Variants in KLF3 observed in about 807,000 individuals in gnomAD.
The protein encoded by KLF3 is KLF transcription factor 3.
In KLF3, 6 loss-of-function variants were observed where a neutral mutation model predicts 32.7. The observed-to-expected ratio is 0.18, with a 90% CI of 0.10 to 0.36. KLF3 has a LOEUF of 0.36. KLF3 is among the 10% of genes least tolerant of loss of function. The pLI, the probability that KLF3 is intolerant of heterozygous loss-of-function variation, is 1.00. For missense variants in KLF3, 338 were observed against 449.7 expected (o/e 0.75, Z 2.25); for synonymous variants, 145 against 172.8 (o/e 0.84, Z 1.26).
Position 38,701,283 on chromosome 4 carries a change from C to T in KLF3, c.*4020C>T, listed in dbSNP as rs1723184706. Among the ~76,000 whole-genome samples the T allele has an allele frequency of 6.6e-6, 1 of 152,156 alleles. No individual in the cohort carries two copies. The highest frequency in any genetic ancestry group is 2.1e-4 in the South Asian group (1 of 4,836). On this transcript the variant is annotated 3_prime_UTR_variant, in exon 6 of 6. Transcript: ENST00000261438. Reference sequence around the variant, plus strand: ...TAGGCTGAAATCATAAAACTGCAGACAATCCAGCAAAAATCTACAAACTCA... The same window carrying T: ...TAGGCTGAAATCATAAAACTGCAGATAATCCAGCAAAAATCTACAAACTCA...
At chr4:38,673,034 T>G (rs77419028) in intron 1 of KLF3, among the ~76,000 whole-genome samples, 7,301 of 152,266 alleles carry the variant, frequency 0.048, 259 homozygotes, top group Non-Finnish European at 0.081. Flanking sequence ...TTCAAAATGC[T>G]TTTCTCTTTC....
intron 2 of KLF3, among the ~76,000 whole-genome samples, chr4:38,684,475 CAGACGGAAATAACTCTTAT>C (rs1722628956): frequency 6.7e-6 from 1 of 150,096 alleles, no homozygotes; most frequent in Non-Finnish European, 1.5e-5. Context: ...GTACATGTTA[CAGACGGAAATAACTCTTAT>C]AGCAGATCAG....
chr4:38,689,028 C>T lies in KLF3; in HGVS notation c.501C>T (p.Val167=), dbSNP rs1417321797. ...GTCACCTCCAGCAGCCTCTCATGGTCTCCTTATCGGAGGAGATGGAAAATT... is the reference window on the plus strand; with the variant it reads ...GTCACCTCCAGCAGCCTCTCATGGTTTCCTTATCGGAGGAGATGGAAAATT... ...YTSHLQQPLM[V]SLSEEMENSS... Residue 167 remains valine, a synonymous_variant, in exon 3 of 6, where the codon GTC becomes GTT. Transcript: ENST00000261438. 6.2e-7 allele frequency: 1 copy of T among 1,614,240 alleles called. No homozygotes were observed. The highest frequency in any genetic ancestry group is 1.7e-5 in the Admixed American group (1 of 60,030).
rs1269632247 is a variant in KLF3, at chr4:38,700,301, C to T, written c.*3038C>T. 3.3e-5 allele frequency: 5 copies of T among 152,192 alleles called. No homozygotes were observed. The highest frequency in any genetic ancestry group is 3.3e-4 in the Admixed American group (5 of 15,286). 9.4% of individuals were successfully genotyped at this position (152,192 alleles called of 1,614,324 possible). A position where few individuals can be genotyped will look rare whatever the true frequency, so the allele number is the denominator to read the frequency against. On this transcript the variant is annotated 3_prime_UTR_variant, in exon 6 of 6. Coordinates refer to ENST00000261438, the MANE Select transcript of KLF3 (RefSeq NM_016531.6). ...TTTATTAAACACCCATCTGCACTAT[C>T]AGTATTGCACTAATGTGGAATTTGA...
chr4:38,693,117 C>CAT (rs3841982), intron 4 of KLF3, among the ~76,000 whole-genome samples: 106,514 of 137,828 alleles, frequency 0.77, 41,161 homozygotes, highest in Admixed American at 0.8. Flanking sequence ...CATATATATA[C>CAT]ATATATATAT....
chr4:38,700,420 G>C lies in KLF3; in HGVS notation c.*3157G>C, dbSNP rs1723165159. ...AAGATCTAAGGTTTTAAAATAATTT[G>C]GTTTGAAAATATACAGTTGTCTTGA... On this transcript the variant is annotated 3_prime_UTR_variant, in exon 6 of 6. Transcript: ENST00000261438. 1 of 152,126 alleles carries C rather than the reference G, an allele frequency of 6.6e-6. No individual in the cohort carries two copies. The highest frequency in any genetic ancestry group is 6.6e-5 in the Admixed American group (1 of 15,266). The allele number at this position is 152,126 out of a possible 1,614,324, so 9.4% of individuals were successfully genotyped here. A position where few individuals can be genotyped will look rare whatever the true frequency, so the allele number is the denominator to read the frequency against.
rs1284828625 is a variant in KLF3 at position 38,665,514 on chromosome 4, T to C, written c.-40+1053T>C. Among the ~76,000 whole-genome samples the C allele has an allele frequency of 2.6e-5, 4 of 152,246 alleles. No individual in the cohort carries two copies. The East Asian group carries it at 7.7e-4, about 29-fold the overall frequency. On this transcript the variant is annotated intron_variant, in intron 1 of 5. Coordinates refer to ENST00000261438, the MANE Select transcript of KLF3 (RefSeq NM_016531.6). Reference sequence around the variant, plus strand: ...GAAGAATGTGAATGAGACTTATTTTTAATAAGTCAAGTTAAACGGAAATTG... The same window carrying C: ...GAAGAATGTGAATGAGACTTATTTTCAATAAGTCAAGTTAAACGGAAATTG...
intron 2 of KLF3, among the ~76,000 whole-genome samples, chr4:38,683,934 T>C (rs1388643361): frequency 6.6e-6 from 1 of 152,220 alleles, no homozygotes; most frequent in African/African-American, 2.4e-5. Context: ...TACCTCTGTT[T>C]GCATGGGGGT....
In KLF3 at chr4:38,674,802, C is replaced by T. The variant is rs531322519; in HGVS notation, c.-39-5785C>T. Among the ~76,000 whole-genome samples, 5 of 152,090 alleles carry T rather than the reference C, an allele frequency of 3.3e-5. No homozygotes were observed. Among genetic ancestry groups the T allele is most frequent in the South Asian group, 2.1e-4 (1 of 4,820 alleles). On this transcript the variant is annotated intron_variant, in intron 1 of 5. Coordinates refer to ENST00000261438, the MANE Select transcript of KLF3 (RefSeq NM_016531.6). This position sits in a 1 kb window ranked among gnomAD's most constrained non-coding sequence, Gnocchi z 4.1. ...AAGAAACAGGAAACTGCTCCTGATA[C>T]GTACACATTCTCTCTCCACCTTCCT...
chr4:38,682,502 G>A (rs919397611), intron 2 of KLF3, among the ~76,000 whole-genome samples: 1 of 152,182 alleles, frequency 6.6e-6, no homozygotes, highest in Admixed American at 6.5e-5. Context: ...ATAGGAATAG[G>A]TTTTTAGCAC....
At chr4:38,696,526 G>A (rs535989784) in intron 5 of KLF3, among the ~76,000 whole-genome samples, 1 of 152,164 alleles carries the variant, frequency 6.6e-6, no homozygotes, top group South Asian at 2.1e-4. Context: ...GGACAGATGG[G>A]GAAGAATTCG....
intron 4 of KLF3, among the ~76,000 whole-genome samples, chr4:38,694,448 T>C (rs1722989893): frequency 6.6e-6 from 1 of 152,200 alleles, no homozygotes; most frequent in Non-Finnish European, 1.5e-5. Flanking sequence ...CTGTCATTAC[T>C]TATCTCCATG....
At position 38,671,311 on chromosome 4, in the gene KLF3, TG is replaced by T. The variant is rs2109238192; in HGVS notation, c.-40+6853del. Among the ~76,000 whole-genome samples, 1 of 152,366 alleles carries T rather than the reference TG, an allele frequency of 6.6e-6. No individual in the cohort carries two copies. The highest frequency in any genetic ancestry group is 2.1e-4 in the South Asian group (1 of 4,820). Reference sequence around the variant, plus strand: ...TATTATGAGGATTTCCGTATTTACTTGGGTCAAGCTGCCAATTTTTCTCAGC... The same window carrying T: ...TATTATGAGGATTTCCGTATTTACTTGGTCAAGCTGCCAATTTTTCTCAGC... On this transcript the variant is annotated intron_variant, in intron 1 of 5. Transcript: ENST00000261438. This position sits in a 1 kb window ranked among gnomAD's most constrained non-coding sequence, Gnocchi z 4.4.
chr4:38,673,580 G>GA (rs1372651303), intron 1 of KLF3, among the ~76,000 whole-genome samples: 1 of 152,178 alleles, frequency 6.6e-6, no homozygotes, highest in African/African-American at 2.4e-5. Context: ...CCCTAGTAGG[G>GA]AAAATGATTC....
In KLF3 at chr4:38,677,253, G is replaced by A. The variant is rs181076752; in HGVS notation, c.-39-3334G>A. Among the ~76,000 whole-genome samples, 217 of 152,148 alleles carry A rather than the reference G, an allele frequency of 1.4e-3. 1 individual carries two copies. Among genetic ancestry groups the A allele is most frequent in the Admixed American group, 0.011 (167 of 15,282 alleles). ...TGGAATTACAGGCATGAGCCACCAC[G>A]CCCAGTCAGTGCCAGCGTTTTATAC... is the stretch of plus-strand genomic sequence containing the variant. On this transcript the variant is annotated intron_variant, in intron 1 of 5. Coordinates refer to ENST00000261438, the MANE Select transcript of KLF3 (RefSeq NM_016531.6).
chr4:38,673,211 T>C (rs752851232), intron 1 of KLF3, among the ~76,000 whole-genome samples: 3 of 152,194 alleles, frequency 2.0e-5, no homozygotes, highest in Admixed American at 6.5e-5. Flanking sequence ...ACCATCCCTG[T>C]TCAGGCCGGA....
rs369314304 is a variant in KLF3, at chr4:38,697,280, C to T, written c.*17C>T. On this transcript the variant is annotated 3_prime_UTR_variant, in exon 6 of 6. Coordinates refer to ENST00000261438, the MANE Select transcript of KLF3 (RefSeq NM_016531.6). ...CTAGTCTGATTGCCTCTGTGTCCTG[C>T]CTCAGCGTGACTCCCCACTCACCTG... 6 of 1,581,186 alleles carry T rather than the reference C, an allele frequency of 3.8e-6. No individual in the cohort carries two copies. The African/African-American group carries it at 8.1e-5, about 21-fold the overall frequency.
At chr4:38,669,361 A>G (rs1722133034) in intron 1 of KLF3, among the ~76,000 whole-genome samples, 1 of 151,580 alleles carries the variant, frequency 6.6e-6, no homozygotes, top group African/African-American at 2.4e-5. Flanking sequence ...TTTCAAGACC[A>G]CTCTGTTCCT....
rs780750739 is a variant in KLF3, at chr4:38,688,879, G to A, written c.352G>A (p.Gly118Ser). Residue 118 changes from glycine (G) to serine (S), a missense_variant, in exon 3 of 6, where the codon GGC becomes AGC. Physicochemically the swap from Gly to Ser is moderately conservative, Grantham distance 56. Around this residue, in one of 2 missense-constraint regions of KLF3, gnomAD observed 272 missense variants for 313.4 expected, o/e 0.87. Coordinates refer to ENST00000261438, the MANE Select transcript of KLF3 (RefSeq NM_016531.6). The surrounding 1 kb of genome is among the most constrained non-coding windows in gnomAD (Gnocchi z 4.9). ...CCCTTCTCCAGGCGTGCAGCCCTTC[G>A]GCGTGCCGCTGTCCATGCCACCAGT... ...SPPSPGVQPFGVPLSMPPVMA... is the reference protein window; with the variant it reads ...SPPSPGVQPFSVPLSMPPVMA... 14 of 1,614,100 alleles carry A rather than the reference G, an allele frequency of 8.7e-6. No individual in the cohort carries two copies. Among genetic ancestry groups the A allele is most frequent in the South Asian group, 3.3e-5 (3 of 91,074 alleles).
Sources: gnomAD v4.1 joint callset for allele counts (sites outside exome capture counted in the v4.1 genomes callset) on GRCh38, gnomAD v4.1.1 for gene constraint, gnomAD v4.1.1 regional missense constraint, Gnocchi (gnomAD v3.1) non-coding constraint, MANE v1.5 for transcripts, NCBI Gene and HGNC (gene_info 2026-07-23, HGNC 2026-07-21) for gene names.